ELMO1: variants seen among roughly 807,000 people sequenced by gnomAD.
ELMO1 encodes the protein engulfment and cell motility 1.
ELMO1 carries 26 observed loss-of-function variants against 98.9 expected under a neutral mutation model. The ratio of observed to expected loss-of-function variants is 0.26; its 90% CI spans 0.19 to 0.36. ELMO1 has a LOEUF of 0.36. ELMO1 is among the 10% of genes least tolerant of loss of function. The pLI is 1.00. For missense variants in ELMO1, 627 were observed against 935.2 expected (o/e 0.67, Z 4.30); for synonymous variants, 346 against 346.0 (o/e 1.00, Z 0.00).
chr7:36,957,855 T>C (rs1788597596), intron 16 of ELMO1, among the ~76,000 whole-genome samples: 1 of 152,170 alleles, frequency 6.6e-6, no homozygotes, highest in Non-Finnish European at 1.5e-5. Context: ...GCTTTGCATG[T>C]AGCCCCAGCA....
chr7:36,925,724 T>C (rs1471661727), intron 16 of ELMO1, among the ~76,000 whole-genome samples: 2 of 152,104 alleles, frequency 1.3e-5, no homozygotes, highest in African/African-American at 2.4e-5. Context: ...AGGCAAAAGG[T>C]CCAAATGCCA....
intron 16 of ELMO1, among the ~76,000 whole-genome samples, chr7:36,935,871 T>TA (rs1464793697): frequency 3.9e-5 from 6 of 152,268 alleles, no homozygotes; most frequent in African/African-American, 1.4e-4. Context: ...ATCTAACACT[T>TA]ACAAGCTGTG....
intron 15 of ELMO1, among the ~76,000 whole-genome samples, chr7:37,048,582 C>T (rs920621211): frequency 3.9e-5 from 6 of 152,188 alleles, no homozygotes; most frequent in Non-Finnish European, 8.8e-5. Flanking sequence ...AACTCTAAAG[C>T]GAAAACATGG....
At chr7:37,171,114 A>T (rs1384837866) in intron 13 of ELMO1, among the ~76,000 whole-genome samples, 3 of 152,138 alleles carry the variant, frequency 2.0e-5, no homozygotes, top group Non-Finnish European at 4.4e-5. Context: ...CAGGAGTAAA[A>T]CTTACCTGAT....
At chr7:37,168,237 C>A (rs1391772115) in intron 13 of ELMO1, among the ~76,000 whole-genome samples, 4 of 152,118 alleles carry the variant, frequency 2.6e-5, no homozygotes, top group African/African-American at 9.7e-5. Context: ...GTTATACATT[C>A]GTCTAAATTT....
chr7:37,259,706 T>A (rs967600551), intron 5 of ELMO1, among the ~76,000 whole-genome samples: 3 of 152,212 alleles, frequency 2.0e-5, no homozygotes, highest in Admixed American at 6.5e-5. Context: ...TAAGTAAAAT[T>A]ATTATGTAAA....
At chr7:37,113,754 G>C (rs1040655298) in intron 14 of ELMO1, among the ~76,000 whole-genome samples, 1 of 152,180 alleles carries the variant, frequency 6.6e-6, no homozygotes, top group Non-Finnish European at 1.5e-5. Flanking sequence ...GAGGCCATTA[G>C]GGTAGGGTCC....
At chr7:36,953,846 TG>T (rs1788211817) in intron 16 of ELMO1, among the ~76,000 whole-genome samples, 1 of 18,966 alleles carries the variant, frequency 5.3e-5, no homozygotes, top group Non-Finnish European at 8.3e-5. Flanking sequence ...GTTTTGTGTG[TG>T]TGTGTGTGTG....
rs539451022 is a variant in ELMO1 at position 36,995,276 on chromosome 7, G to A, written c.1437+18023C>T. On this transcript the variant is annotated intron_variant, in intron 16 of 21. Transcript: ENST00000310758. ...TGCAATCCCAGCACTTTGGGAGACCGCAGTGAGCAGATCATGAGGTCAGGA... is the reference window on the plus strand; with the variant it reads ...TGCAATCCCAGCACTTTGGGAGACCACAGTGAGCAGATCATGAGGTCAGGA... Among the ~76,000 whole-genome samples the A allele has an allele frequency of 1.3e-4, 20 of 152,260 alleles. No individual in the cohort carries two copies. The South Asian group carries it at 1.9e-3, about 14-fold the overall frequency.
Position 36,906,898 on chromosome 7 carries a change from G to A in ELMO1, c.1438-11881C>T, listed in dbSNP as rs116325292. Reference sequence around the variant, plus strand: ...AACAAAGTGATTTATTATGCACACCGTTTCTTTGCTTTTAGAAATATATGT... The same window carrying A: ...AACAAAGTGATTTATTATGCACACCATTTCTTTGCTTTTAGAAATATATGT... On this transcript the variant is annotated intron_variant, in intron 16 of 21. Transcript: ENST00000310758. 9.9e-3 allele frequency among the ~76,000 whole-genome samples: 1,509 copies of A among 152,214 alleles called. 27 individuals are homozygous for A. The highest frequency in any genetic ancestry group is 0.035 in the African/African-American group (1,460 of 41,532).
At chr7:37,211,584 T>C in intron 12 of ELMO1, 67 bp from the exon 13 acceptor site, 2 of 1,569,288 alleles carry the variant, frequency 1.3e-6, no homozygotes, top group East Asian at 2.3e-5. Flanking sequence ...TGACATTACA[T>C]ATACTCCCTC....
chr7:37,377,437 G>A (rs897884841), intron 1 of ELMO1, among the ~76,000 whole-genome samples: 1 of 152,114 alleles, frequency 6.6e-6, no homozygotes, highest in African/African-American at 2.4e-5. Flanking sequence ...ACACAGTTAC[G>A]TAAATGGAAT....
chr7:36,858,508 C>T (rs1225772773), intron 21 of ELMO1, among the ~76,000 whole-genome samples: 2 of 152,224 alleles, frequency 1.3e-5, no homozygotes, highest in African/African-American at 2.4e-5. Context: ...AAGACACCCA[C>T]ATCCTACTCC....
chr7:37,395,430 A>T (rs951165948), intron 1 of ELMO1, among the ~76,000 whole-genome samples: 1 of 150,794 alleles, frequency 6.6e-6, no homozygotes, highest in African/African-American at 2.4e-5. Context: ...CCTACCATGT[A>T]TGTATGCTTC....
At chr7:37,285,932 AC>A (rs1446640575) in intron 4 of ELMO1, among the ~76,000 whole-genome samples, 1 of 152,172 alleles carries the variant, frequency 6.6e-6, no homozygotes, top group East Asian at 1.9e-4. Context: ...AAATGCTTAA[AC>A]ATGGGGTGCA....
intron 8 of ELMO1, among the ~76,000 whole-genome samples, chr7:37,229,909 G>T (rs759406005): frequency 1.3e-5 from 2 of 151,604 alleles, no homozygotes; most frequent in Non-Finnish European, 2.9e-5. Context: ...TATGATTTTT[G>T]AATTAATTTC....
At chr7:37,320,827 C>T (rs1044287695) in intron 2 of ELMO1, among the ~76,000 whole-genome samples, 1 of 151,352 alleles carries the variant, frequency 6.6e-6, no homozygotes, top group East Asian at 1.9e-4. Context: ...AAAACAACAA[C>T]AACAAAAAAA....
At chr7:37,104,481 G>A (rs1784832387) in intron 14 of ELMO1, among the ~76,000 whole-genome samples, 2 of 152,158 alleles carry the variant, frequency 1.3e-5, no homozygotes, top group Non-Finnish European at 2.9e-5. Flanking sequence ...GAGACAATGA[G>A]GGGATTGAGG....
At chr7:37,105,860 C>T (rs551623475) in intron 14 of ELMO1, among the ~76,000 whole-genome samples, 1 of 151,908 alleles carries the variant, frequency 6.6e-6, no homozygotes, top group South Asian at 2.1e-4. Flanking sequence ...TGGTGGTTGC[C>T]GGGGGCTGAG....
Sources: allele counts gnomAD v4.1 joint callset (sites outside exome capture counted in the v4.1 genomes callset), GRCh38; gene constraint gnomAD v4.1.1; transcripts MANE v1.5; gene names NCBI Gene and HGNC (gene_info 2026-07-23, HGNC 2026-07-21).